GALNT9: variants seen among roughly 807,000 people sequenced by gnomAD.
GALNT9 encodes GalNAc transferase 9.
GALNT9 carries 47 observed loss-of-function variants against 63.1 expected under a neutral mutation model. The ratio of observed to expected loss-of-function variants is 0.75; its 90% CI spans 0.59 to 0.95. GALNT9 has a LOEUF of 0.95. Ranked by LOEUF, GALNT9 falls within the 40% of genes least tolerant of loss-of-function variation. GALNT9 has a pLI of 0.00. For synonymous variants in GALNT9, 396 were observed against 365.7 expected, an observed-to-expected ratio of 1.08 and a Z score of -0.94; for missense variants, 829 against 874.8, an observed-to-expected ratio of 0.95 and a Z score of 0.66.
intron 4 of GALNT9, among the ~76,000 whole-genome samples, chr12:132,259,270 G>A (rs1472233470): frequency 6.6e-6 from 1 of 152,180 alleles, no homozygotes; most frequent in Non-Finnish European, 1.5e-5. Flanking sequence ...GCATTTTGAC[G>A]TGACAGACCC....
Position 132,196,833 on chromosome 12 carries a change from A to T in GALNT9, c.*274T>A, listed in dbSNP as rs1875537406. On this transcript the variant is annotated 3_prime_UTR_variant, in exon 11 of 11. Coordinates refer to ENST00000328957, the MANE Select transcript of GALNT9 (RefSeq NM_001122636.2). The stretch of plus-strand genomic sequence containing the variant: ...CGGCTGTCCCAGCAGCCTGGCCAGG[A>T]GATACCGTGGAGAAGGCACGTGTTT... 6 of 1,253,368 alleles carry T rather than the reference A, an allele frequency of 4.8e-6. No individual in the cohort carries two copies. The South Asian group carries it at 1.2e-4, about 24-fold the overall frequency. 77.6% of individuals were successfully genotyped at this position (1,253,368 alleles called of 1,614,324 possible). A position where few individuals can be genotyped will look rare whatever the true frequency, so the allele number is the denominator to read the frequency against.
In GALNT9 at chr12:132,328,947, C is replaced by A; in HGVS notation, c.238+19G>T. 6.7e-7 allele frequency: 1 copy of A among 1,503,622 alleles called. No homozygotes were observed. The allele number at this position is 1,503,622 out of a possible 1,614,324, so 93.1% of individuals were successfully genotyped here. A position where few individuals can be genotyped will look rare whatever the true frequency, so the allele number is the denominator to read the frequency against. ...CCCGGGCAGGGCTGCCCCCACTCCG[C>A]CCCGGCGCCCCCGCTCACCGTTGAG... On this transcript the variant is annotated intron_variant, in intron 1 of 10. Coordinates refer to ENST00000328957, the MANE Select transcript of GALNT9 (RefSeq NM_001122636.2).
intron 3 of GALNT9, among the ~76,000 whole-genome samples, chr12:132,262,177 C>G (rs1352943752): frequency 6.6e-6 from 1 of 152,178 alleles, no homozygotes; most frequent in East Asian, 1.9e-4. Context: ...AGCTCTGTGT[C>G]TAGTCTGGGT....
At position 132,286,368 on chromosome 12, in the gene GALNT9, C is replaced by T. The variant is rs1361272277; in HGVS notation, c.301G>A (p.Ala101Thr). 6.4e-7 allele frequency: 1 copy of T among 1,550,770 alleles called. No homozygotes were observed. Among genetic ancestry groups the T allele is most frequent in the African/African-American group, 1.4e-5 (1 of 73,048 alleles). The change falls in exon 2 of 11, where the codon GCC (alanine) becomes ACC (threonine). Residue 101 changes from alanine (A) to threonine (T), a missense_variant. Transcript: ENST00000328957. The surrounding 1 kb of genome is among the most constrained non-coding windows in gnomAD (Gnocchi z 7.4). ...TCCTGGCCGTCATCACGCAGGGTGG[C>T]CGCCAAGCCACCCTGGCCCAGGCCT... ...PGGLGQGGLAATLRDDGQEAE... is the reference protein window; with the variant it reads ...PGGLGQGGLATTLRDDGQEAE...
chr12:132,263,838 G>A (rs1213389584), intron 2 of GALNT9, among the ~76,000 whole-genome samples: 1 of 152,234 alleles, frequency 6.6e-6, no homozygotes, highest in Non-Finnish European at 1.5e-5. Flanking sequence ...CGGAGCAGTG[G>A]AGGAAGCTGC....
chr12:132,266,132 G>A (rs570167715), intron 2 of GALNT9, among the ~76,000 whole-genome samples: 4 of 141,680 alleles, frequency 2.8e-5, no homozygotes, highest in African/African-American at 5.6e-5. Flanking sequence ...AGCCAACCGC[G>A]GGCCTGTCTG....
chr12:132,204,540 C>T (rs1406459442), intron 6 of GALNT9, among the ~76,000 whole-genome samples: 2 of 152,278 alleles, frequency 1.3e-5, no homozygotes, highest in South Asian at 4.1e-4. Flanking sequence ...TGGGTCCTCC[C>T]CTGCCTTCAG....
chr12:132,223,133 C>CA (rs1877535008), intron 6 of GALNT9, among the ~76,000 whole-genome samples: 1 of 100,010 alleles, frequency 1.0e-5, no homozygotes, highest in Non-Finnish European at 2.1e-5. Flanking sequence ...CCCACACACA[C>CA]CCCACACACA....
chr12:132,290,402 G>C (rs1449853371), intron 1 of GALNT9, among the ~76,000 whole-genome samples: 2 of 152,162 alleles, frequency 1.3e-5, no homozygotes, highest in African/African-American at 4.8e-5. Flanking sequence ...CCAACGCGCT[G>C]TGTCTTGGGG....
intron 6 of GALNT9, among the ~76,000 whole-genome samples, chr12:132,216,376 T>C (rs1219434810): frequency 1.3e-5 from 2 of 152,188 alleles, no homozygotes; most frequent in South Asian, 2.1e-4. Flanking sequence ...GAGGCTTTCC[T>C]GGAAGGGTCA....
chr12:132,295,949 AACAGGGACGGCCTCCG>A (rs1881050881), intron 1 of GALNT9, among the ~76,000 whole-genome samples: 3 of 133,844 alleles, frequency 2.2e-5, no homozygotes, highest in Non-Finnish European at 3.2e-5. Flanking sequence ...ACGGCCTCCG[AACAGGGACGGCCTCCG>A]GAACAGGGAG....
chr12:132,210,815 T>TGGTCGCCGTCTGGA (rs1168320960), intron 6 of GALNT9, among the ~76,000 whole-genome samples: 15 of 149,670 alleles, frequency 1.0e-4, no homozygotes, highest in South Asian at 8.6e-4. Flanking sequence ...GCCATCTGGG[T>TGGTCGCCGTCTGGA]GGTCGCCGTC....
intron 1 of GALNT9, among the ~76,000 whole-genome samples, chr12:132,321,060 G>A (rs77566307): frequency 0.036 from 5,417 of 152,274 alleles, 311 homozygotes; most frequent in African/African-American, 0.12. Context: ...CGGGGAGGAG[G>A]GTGCCTGGCA....
intron 6 of GALNT9, among the ~76,000 whole-genome samples, chr12:132,239,965 G>C (rs1555236745): frequency 6.6e-6 from 1 of 152,098 alleles, no homozygotes; most frequent in East Asian, 1.9e-4. Context: ...GGAGCTGCTA[G>C]GCTGTCTGGT....
intron 1 of GALNT9, among the ~76,000 whole-genome samples, chr12:132,290,316 C>T (rs868943981): frequency 2.9e-4 from 44 of 152,268 alleles, no homozygotes; most frequent in African/African-American, 8.9e-4. Context: ...CCATGCAGAG[C>T]GGACCGGCCA....
At chr12:132,199,985 G>C (rs1179472714) in intron 8 of GALNT9, among the ~76,000 whole-genome samples, 1 of 152,258 alleles carries the variant, frequency 6.6e-6, no homozygotes, top group Non-Finnish European at 1.5e-5. Flanking sequence ...AAGCCCAGCA[G>C]AGTCTGGATG....
rs146238649 is a variant in GALNT9, at chr12:132,265,303, C to T, written c.420-2678G>A. 6.5e-3 allele frequency among the ~76,000 whole-genome samples: 990 copies of T among 152,290 alleles called. 7 individuals are homozygous for T. The highest frequency in any genetic ancestry group is 0.021 in the African/African-American group (891 of 41,550). On this transcript the variant is annotated intron_variant, in intron 2 of 10. Coordinates refer to ENST00000328957, the MANE Select transcript of GALNT9 (RefSeq NM_001122636.2). The surrounding 1 kb of genome is among the most constrained non-coding windows in gnomAD (Gnocchi z 5.3). Reference sequence around the variant, plus strand: ...AAATGACGGCTGGACCGGTCCTCCCCGTGGAAGCCTTTCCTTCCGTGGTGG... The same window carrying T: ...AAATGACGGCTGGACCGGTCCTCCCTGTGGAAGCCTTTCCTTCCGTGGTGG...
intron 1 of GALNT9, among the ~76,000 whole-genome samples, chr12:132,308,499 C>T (rs1384527543): frequency 6.6e-6 from 1 of 151,398 alleles, no homozygotes; most frequent in Non-Finnish European, 1.5e-5. Context: ...CTGCACCTAC[C>T]GGGTTCCCAG....
chr12:132,230,788 G>C (rs1877861027), intron 6 of GALNT9, among the ~76,000 whole-genome samples: 1 of 152,240 alleles, frequency 6.6e-6, no homozygotes, highest in Non-Finnish European at 1.5e-5. Flanking sequence ...CGGGGTAACA[G>C]TCCGGGTTAA....
Sources: allele counts gnomAD v4.1 joint callset (sites outside exome capture counted in the v4.1 genomes callset), GRCh38; gene constraint gnomAD v4.1.1; non-coding constraint Gnocchi (gnomAD v3.1); transcripts MANE v1.5; gene names NCBI Gene and HGNC (gene_info 2026-07-23, HGNC 2026-07-21).